TRPM7: variants seen among roughly 807,000 people sequenced by gnomAD.
The protein encoded by TRPM7 is LTRPC ion channel family member 7.
TRPM7 carries 134 observed loss-of-function variants against 229.7 expected under a neutral mutation model. The ratio of observed to expected loss-of-function variants is 0.58; its 90% CI spans 0.51 to 0.67. The LOEUF (loss-of-function observed/expected upper bound fraction) is 0.67. Among genes scored for constraint, TRPM7 ranks in the 30% least tolerant of loss-of-function variants. The pLI is 0.00. For missense variants in TRPM7, 1,901 were observed against 2,210.0 expected, an observed-to-expected ratio of 0.86 and a Z score of 2.80; for synonymous variants, 699 against 715.2, an observed-to-expected ratio of 0.98 and a Z score of 0.36.
At chr15:50,623,682 TG>T (rs1279236691) in intron 12 of TRPM7, among the ~76,000 whole-genome samples, 1 of 151,548 alleles carries the variant, frequency 6.6e-6, no homozygotes, top group Non-Finnish European at 1.5e-5. Flanking sequence ...GAATAAAATG[TG>T]AAAGTCTTTG....
At chr15:50,621,587 A>C (rs1381473329) in intron 12 of TRPM7, among the ~76,000 whole-genome samples, 1 of 152,102 alleles carries the variant, frequency 6.6e-6, no homozygotes, top group African/African-American at 2.4e-5. Context: ...TGTTTGGTGG[A>C]GTTTTCCAGA....
intron 3 of TRPM7, among the ~76,000 whole-genome samples, chr15:50,656,494 G>A (rs1465892781): frequency 6.9e-6 from 1 of 145,426 alleles, no homozygotes; most frequent in Non-Finnish European, 1.5e-5. Flanking sequence ...TTTGTGTGTG[G>A]TTTTCTTTTT....
rs140632727 is a variant in TRPM7, at chr15:50,586,571, TG to T, written c.4390-84del. 4.6e-3 allele frequency: 3,860 copies of T among 841,992 alleles called. 118 individuals carry two copies. In the African/African-American group the frequency reaches 0.059, roughly 13 times the overall value. 52.2% of individuals were successfully genotyped at this position (841,992 alleles called of 1,614,324 possible). On this transcript the variant is annotated intron_variant, in intron 27 of 38. Transcript: ENST00000646667. ...TACTCTAAGTAGTATTAGAGTCCCT[TG>T]ATCTATTTAGCTCAATATGCTTTAT...
intron 8 of TRPM7, among the ~76,000 whole-genome samples, chr15:50,633,814 G>A (rs1278907153): frequency 3.9e-5 from 6 of 152,082 alleles, no homozygotes; most frequent in Non-Finnish European, 7.4e-5. Context: ...AAACTACTAC[G>A]TTAAAAGATA....
chr15:50,655,945 G>A (rs1478116750), intron 3 of TRPM7, among the ~76,000 whole-genome samples: 1 of 150,630 alleles, frequency 6.6e-6, no homozygotes, highest in Non-Finnish European at 1.5e-5. Context: ...AGCTGAGATC[G>A]CACCACTGTA....
At chr15:50,613,681 A>G (rs2060129372) in intron 15 of TRPM7, 26 bp downstream of exon 15, 1 of 1,483,582 alleles carries the variant, frequency 6.7e-7, no homozygotes, top group Non-Finnish European at 8.9e-7. Context: ...AAAAACCCAG[A>G]AAGAATAATA....
At position 50,655,218 on chromosome 15, in the gene TRPM7, G is replaced by A. The variant is rs1327029955; in HGVS notation, c.122+2563C>T. Among the ~76,000 whole-genome samples the A allele has an allele frequency of 2.7e-5, 4 of 149,798 alleles. 1 individual carries two copies. The South Asian group carries it at 8.5e-4, about 32-fold the overall frequency. On this transcript the variant is annotated intron_variant, in intron 3 of 38. Coordinates refer to ENST00000646667, the MANE Select transcript of TRPM7 (RefSeq NM_017672.6). The stretch of plus-strand genomic sequence containing the variant: ...TGGGTGGCCAAGGCGGGCGAATCAC[G>A]AGGTCAGGAGTTCAAGACCACCCTG...
chr15:50,592,673 T>C, intron 25 of TRPM7, 47 bp from the exon 26 acceptor site: 1 of 1,312,192 alleles, frequency 7.6e-7, no homozygotes, highest in Non-Finnish European at 1.0e-6. Flanking sequence ...AAAAATAATG[T>C]AGAATTTTAT....
At position 50,648,842 on chromosome 15, in the gene TRPM7, C is replaced by T. The variant is rs1402335167; in HGVS notation, c.166G>A (p.Ala56Thr). Residue 56 changes from alanine to threonine, a missense_variant, in exon 4 of 39, where the codon GCA becomes ACA. Coordinates refer to ENST00000646667, the MANE Select transcript of TRPM7 (RefSeq NM_017672.6). The part of the protein sequence containing the change: ...RLVKQHACFT[A>T]SLAMKYSDVK... ...TCTGAGTATTTCATGGCAAGACTTG[C>T]AGTAAAACAAGCATGTTGCTTGACC... 7 of 1,611,910 alleles carry T rather than the reference C, an allele frequency of 4.3e-6. No homozygotes were observed. Among genetic ancestry groups the T allele is most frequent in the Non-Finnish European group, 5.9e-6 (7 of 1,178,950 alleles).
Position 50,653,873 on chromosome 15 carries a change from C to T in TRPM7, c.122+3908G>A, listed in dbSNP as rs189686157. Among the ~76,000 whole-genome samples the T allele has an allele frequency of 2.3e-4, 35 of 152,132 alleles. No homozygotes were observed. The East Asian group carries it at 3.1e-3, about 13-fold the overall frequency. ...CACTTGCTGTGTGTGGGTCTGTGAACGGGGTCCTAAAGGTCTGGAAGACAT... is the reference window on the plus strand; with the variant it reads ...CACTTGCTGTGTGTGGGTCTGTGAATGGGGTCCTAAAGGTCTGGAAGACAT... On this transcript the variant is annotated intron_variant, in intron 3 of 38. Coordinates refer to ENST00000646667, the MANE Select transcript of TRPM7 (RefSeq NM_017672.6).
chr15:50,662,261 G>A (rs939416522), intron 2 of TRPM7, among the ~76,000 whole-genome samples: 2 of 151,268 alleles, frequency 1.3e-5, no homozygotes, highest in African/African-American at 2.4e-5. Context: ...GCTGAGGCAA[G>A]AGAATGGCCT....
At position 50,612,843 on chromosome 15, in the gene TRPM7, T is replaced by C. The variant is rs762561003; in HGVS notation, c.1771-14A>G. 6.3e-7 allele frequency: 1 copy of C among 1,599,854 alleles called. No individual in the cohort carries two copies. Among genetic ancestry groups the C allele is most frequent in the Non-Finnish European group, 8.5e-7 (1 of 1,176,170 alleles). ...AACTGTATCAATCTTCCAGGGAAAA[T>C]AAAGTTATAAAGCTCATTATAATAA... On this transcript the variant is annotated splice_polypyrimidine_tract_variant and intron_variant, in intron 15 of 38. Transcript: ENST00000646667.
intron 33 of TRPM7, 91 bp downstream of exon 33, chr15:50,575,633 T>C (rs1164159082): frequency 1.6e-5 from 18 of 1,102,060 alleles, no homozygotes; most frequent in Non-Finnish European, 2.4e-5. Context: ...TTGATACTTC[T>C]TAATGTAATC....
chr15:50,658,358 A>G (rs891952912), intron 2 of TRPM7, among the ~76,000 whole-genome samples: 1 of 151,886 alleles, frequency 6.6e-6, no homozygotes, highest in Non-Finnish European at 1.5e-5. Context: ...GAATTGCTTG[A>G]GTCCAGGAGT....
intron 24 of TRPM7, 130 bp downstream of exon 24, chr15:50,594,299 G>T (rs2059582277): frequency 1.3e-6 from 1 of 786,810 alleles, no homozygotes; most frequent in South Asian, 1.9e-5. Flanking sequence ...TTATGTACAG[G>T]CATATTTAAC....
At chr15:50,650,996 C>T (rs551273796) in intron 3 of TRPM7, among the ~76,000 whole-genome samples, 48 of 152,000 alleles carry the variant, frequency 3.2e-4, no homozygotes, top group African/African-American at 9.6e-4. Context: ...TAGACCAGCC[C>T]GGGCAACATG....
At chr15:50,659,294 C>A (rs937263999) in intron 2 of TRPM7, among the ~76,000 whole-genome samples, 3 of 152,140 alleles carry the variant, frequency 2.0e-5, no homozygotes, top group South Asian at 4.1e-4. Context: ...GGATAATCAT[C>A]TGCTTGGACA....
At chr15:50,635,928 G>A (rs115609715) in intron 7 of TRPM7, among the ~76,000 whole-genome samples, 2,110 of 151,734 alleles carry the variant, frequency 0.014, 44 homozygotes, top group African/African-American at 0.049. Flanking sequence ...GCAGCGAGGT[G>A]AGATCGGGCC....
chr15:50,602,912 T>C (rs956038838), intron 21 of TRPM7, among the ~76,000 whole-genome samples: 1 of 152,144 alleles, frequency 6.6e-6, no homozygotes, highest in African/African-American at 2.4e-5. Flanking sequence ...GCTTCTGTAC[T>C]TCCTAACTCT....
Sources: allele counts gnomAD v4.1 joint callset (sites outside exome capture counted in the v4.1 genomes callset), GRCh38; gene constraint gnomAD v4.1.1; transcripts MANE v1.5; gene names NCBI Gene and HGNC (gene_info 2026-07-23, HGNC 2026-07-21).